DISC1: variants seen among roughly 807,000 people sequenced by gnomAD.
DISC1 encodes the protein disrupted in schizophrenia 1 protein.
DISC1 carries 57 observed loss-of-function variants against 84.5 expected under a neutral mutation model. The observed-to-expected ratio is 0.67, with a 90% CI of 0.55 to 0.84. The LOEUF is 0.84. Among genes scored for constraint, DISC1 ranks in the 40% least tolerant of loss-of-function variants. The pLI is 0.00. For synonymous variants in DISC1, 411 were observed against 415.2 expected, an observed-to-expected ratio of 0.99 and a Z score of 0.12; for missense variants, 1,000 against 1,057.8, an observed-to-expected ratio of 0.95 and a Z score of 0.76.
At chr1:231,968,352 T>A (rs1281042094) in intron 10 of DISC1, among the ~76,000 whole-genome samples, 6 of 151,764 alleles carry the variant, frequency 4.0e-5, no homozygotes, top group Non-Finnish European at 8.8e-5. Context: ...ACTGGCCTCT[T>A]CACATCTGGA....
At chr1:231,651,874 T>G (rs953943150) in intron 1 of DISC1, among the ~76,000 whole-genome samples, 1 of 152,238 alleles carries the variant, frequency 6.6e-6, no homozygotes, top group Non-Finnish European at 1.5e-5. Context: ...CAAGGCTCCA[T>G]GGGTGTGGGA....
At chr1:232,026,643 C>A in intron 12 of DISC1, 91 bp downstream of exon 12, 2 of 844,920 alleles carry the variant, frequency 2.4e-6, no homozygotes, top group Non-Finnish European at 3.9e-6. Context: ...CAGAAGATGG[C>A]AACAAATAGA....
At chr1:231,949,028 C>G (rs1389753434) in intron 9 of DISC1, among the ~76,000 whole-genome samples, 1 of 151,912 alleles carries the variant, frequency 6.6e-6, no homozygotes, top group African/African-American at 2.4e-5. Context: ...TGCCACCACG[C>G]CCAGCTAATT....
chr1:231,933,268 A>G (rs556775424), intron 9 of DISC1, among the ~76,000 whole-genome samples: 12 of 152,354 alleles, frequency 7.9e-5, no homozygotes, highest in Non-Finnish European at 4.4e-5. Context: ...CTGAGTTCAC[A>G]GGCTATGCTA....
intron 10 of DISC1, among the ~76,000 whole-genome samples, chr1:231,985,155 T>C (rs1410897194): frequency 6.6e-6 from 1 of 151,882 alleles, no homozygotes; most frequent in East Asian, 1.9e-4. Context: ...ACCCCATCTC[T>C]ACTAAAAATA....
chr1:231,748,849 G>T (rs2074293856), intron 3 of DISC1, among the ~76,000 whole-genome samples: 1 of 152,186 alleles, frequency 6.6e-6, no homozygotes. Context: ...TGTGGGATAG[G>T]GGTAGGGAGT....
chr1:231,720,999 A>AATC (rs1167929773), intron 3 of DISC1: 1 of 1,290,974 alleles, frequency 7.7e-7, no homozygotes, highest in Admixed American at 2.3e-5. Context: ...AACTGTGGAT[A>AATC]CGGATCATGA....
chr1:231,760,337 G>T (rs1462800283), intron 4 of DISC1, among the ~76,000 whole-genome samples: 1 of 152,050 alleles, frequency 6.6e-6, no homozygotes, highest in East Asian at 1.9e-4. Flanking sequence ...TCTATGACTG[G>T]CCCAAACCCC....
At chr1:231,829,446 C>T (rs144234022) in intron 9 of DISC1, among the ~76,000 whole-genome samples, 1 of 152,070 alleles carries the variant, frequency 6.6e-6, no homozygotes, top group Non-Finnish European at 1.5e-5. Flanking sequence ...CTCACTGCAA[C>T]CTCCACCTCC....
At chr1:231,889,164 C>A (rs1031374201) in intron 9 of DISC1, among the ~76,000 whole-genome samples, 1 of 152,142 alleles carries the variant, frequency 6.6e-6, no homozygotes, top group Non-Finnish European at 1.5e-5. Context: ...CCTGAGTTGA[C>A]AGCAAGAACT....
intron 4 of DISC1, among the ~76,000 whole-genome samples, chr1:231,760,694 A>G (rs1018080266): frequency 6.6e-6 from 1 of 152,242 alleles, no homozygotes; most frequent in Non-Finnish European, 1.5e-5. Flanking sequence ...CGTAAACCAC[A>G]GCACTGTCAC....
At chr1:232,022,946 A>T (rs1489762723) in intron 11 of DISC1, among the ~76,000 whole-genome samples, 2 of 152,172 alleles carry the variant, frequency 1.3e-5, no homozygotes, top group East Asian at 3.9e-4. Context: ...AGAATGCCAG[A>T]CAGATCTTCT....
chr1:231,805,992 A>AGTTGTT (rs1201141384), intron 8 of DISC1, among the ~76,000 whole-genome samples: 1 of 152,194 alleles, frequency 6.6e-6, no homozygotes, highest in Admixed American at 6.5e-5. Flanking sequence ...ATCTTGGGCA[A>AGTTGTT]GTTGTTTAAC....
intron 9 of DISC1, among the ~76,000 whole-genome samples, chr1:231,946,981 C>A (rs1177747387): frequency 6.6e-6 from 1 of 152,204 alleles, no homozygotes; most frequent in Non-Finnish European, 1.5e-5. Flanking sequence ...GAAAAACATT[C>A]CATGCTCATG....
At chr1:231,930,586 C>G (rs1338906372) in intron 9 of DISC1, among the ~76,000 whole-genome samples, 1 of 152,078 alleles carries the variant, frequency 6.6e-6, no homozygotes, top group Non-Finnish European at 1.5e-5. Flanking sequence ...GAGCAGCCCT[C>G]CAAACCTCTA....
At chr1:231,857,939 A>T (rs1454043227) in intron 9 of DISC1, among the ~76,000 whole-genome samples, 1 of 152,220 alleles carries the variant, frequency 6.6e-6, no homozygotes, top group Non-Finnish European at 1.5e-5. Context: ...ATTTCCCTGA[A>T]GGCACTGGAG....
At chr1:231,781,638 C>T (rs1439622652) in intron 6 of DISC1, among the ~76,000 whole-genome samples, 2 of 152,166 alleles carry the variant, frequency 1.3e-5, no homozygotes, top group Admixed American at 6.5e-5. Context: ...CCTTGAGAAC[C>T]GTTCTGTACT....
intron 3 of DISC1, among the ~76,000 whole-genome samples, chr1:231,726,283 A>G (rs913502652): frequency 1.3e-5 from 2 of 152,242 alleles, no homozygotes; most frequent in South Asian, 2.1e-4. Flanking sequence ...GTATATGGCA[A>G]CAGTGGGCTT....
chr1:231,812,138 C>T (rs2080365172), intron 8 of DISC1, among the ~76,000 whole-genome samples: 1 of 152,064 alleles, frequency 6.6e-6, no homozygotes, highest in Non-Finnish European at 1.5e-5. Context: ...TCACTGCCAC[C>T]TCAAGCTCCT....
Sources: allele counts gnomAD v4.1 joint callset (sites outside exome capture counted in the v4.1 genomes callset), GRCh38; gene constraint gnomAD v4.1.1; transcripts MANE v1.5; gene names NCBI Gene and HGNC (gene_info 2026-07-23, HGNC 2026-07-21).